RTN4IP1: variants seen among roughly 807,000 people sequenced by gnomAD.
RTN4IP1 encodes the protein NAD(P)H oxidoreductase RTN4IP1, mitochondrial.
In RTN4IP1, 32 loss-of-function variants were observed where a neutral mutation model predicts 46.6. The observed-to-expected ratio is 0.69, with a 90% CI of 0.52 to 0.92. The LOEUF is 0.92. RTN4IP1 is among the 40% of genes least tolerant of loss of function. The pLI, the probability that RTN4IP1 is intolerant of heterozygous loss-of-function variation, is 0.00. For synonymous variants in RTN4IP1, 167 were observed against 161.8 expected, an observed-to-expected ratio of 1.03 and a Z score of -0.24; for missense variants, 424 against 485.8, an observed-to-expected ratio of 0.87 and a Z score of 1.20.
At chr6:106,618,238 A>C (rs538952273) in intron 4 of RTN4IP1, among the ~76,000 whole-genome samples, 1 of 152,332 alleles carries the variant, frequency 6.6e-6, no homozygotes, top group Non-Finnish European at 1.5e-5. Flanking sequence ...AATAGAACAG[A>C]ATCACACAGA....
intron 5 of RTN4IP1, among the ~76,000 whole-genome samples, chr6:106,599,670 A>G (rs1208897751): frequency 6.6e-6 from 1 of 152,056 alleles, no homozygotes; most frequent in East Asian, 1.9e-4. Context: ...AGAATATACC[A>G]CAATTTACTT....
intron 1 of RTN4IP1, among the ~76,000 whole-genome samples, chr6:106,624,766 CT>C (rs1776592415): frequency 6.6e-6 from 1 of 150,644 alleles, no homozygotes; most frequent in South Asian, 2.1e-4. Context: ...TAGAGCTCAT[CT>C]CTACTAAAAA....
rs1443730092 is a variant in RTN4IP1 at position 106,619,229 on chromosome 6, A to C, written c.593T>G (p.Leu198Arg). The C allele has an allele frequency of 6.2e-7, 1 of 1,614,196 alleles. No individual in the cohort carries two copies. The highest frequency in any genetic ancestry group is 1.7e-5 in the Admixed American group (1 of 60,028). ...AWSAINKVGG[L>R]NDKNCTGKRV... is the part of the protein sequence containing the mutation. Reference sequence around the variant, plus strand: ...TTTTCCTGTGCAATTCTTGTCATTCAGGCCACCAACTTTGTTTATAGCAGA... The same window carrying C: ...TTTTCCTGTGCAATTCTTGTCATTCCGGCCACCAACTTTGTTTATAGCAGA... Residue 198 changes from leucine (L) to arginine (R), a missense_variant, in exon 4 of 9, where the codon CTG becomes CGG. By Grantham distance (102) the Leu-to-Arg change is moderately radical (BLOSUM62 -2). Coordinates refer to ENST00000369063, the MANE Select transcript of RTN4IP1 (RefSeq NM_032730.5).
At chr6:106,611,639 C>T (rs1196314404) in intron 4 of RTN4IP1, among the ~76,000 whole-genome samples, 3 of 152,064 alleles carry the variant, frequency 2.0e-5, no homozygotes, top group African/African-American at 4.8e-5. Context: ...TAGCATAATA[C>T]GCCAGGTTTA....
chr6:106,576,987 G>A (rs1264638697), intron 8 of RTN4IP1, among the ~76,000 whole-genome samples: 1 of 152,148 alleles, frequency 6.6e-6, no homozygotes, highest in Non-Finnish European at 1.5e-5. Flanking sequence ...TCTGATGCTG[G>A]CTAAAATAAA....
intron 4 of RTN4IP1, among the ~76,000 whole-genome samples, chr6:106,604,658 G>A (rs1273155835): frequency 6.6e-6 from 1 of 152,098 alleles, no homozygotes; most frequent in African/African-American, 2.4e-5. Flanking sequence ...TAGAGTAGGT[G>A]CCACACACAC....
At chr6:106,612,615 T>C (rs1240078358) in intron 4 of RTN4IP1, among the ~76,000 whole-genome samples, 1 of 50,412 alleles carries the variant, frequency 2.0e-5, no homozygotes, top group East Asian at 4.7e-4. Flanking sequence ...ATTCTTTGCC[T>C]TCTACTTTTA....
At chr6:106,576,593 G>A (rs1007881632) in intron 8 of RTN4IP1, among the ~76,000 whole-genome samples, 4 of 152,196 alleles carry the variant, frequency 2.6e-5, no homozygotes, top group South Asian at 2.1e-4. Flanking sequence ...GTTGCTAAAC[G>A]AGGGCCCAGC....
At chr6:106,620,411 CT>C (rs761248898) in intron 3 of RTN4IP1, among the ~76,000 whole-genome samples, 9 of 152,098 alleles carry the variant, frequency 5.9e-5, no homozygotes, top group Non-Finnish European at 1.3e-4. Context: ...CCTTAGTTGG[CT>C]TTTTATGTTA....
chr6:106,607,173 G>C (rs1373920211), intron 4 of RTN4IP1, among the ~76,000 whole-genome samples: 1 of 152,056 alleles, frequency 6.6e-6, no homozygotes, highest in Non-Finnish European at 1.5e-5. Flanking sequence ...TTCAATAAAT[G>C]GTGCTGGGAA....
intron 1 of RTN4IP1, among the ~76,000 whole-genome samples, chr6:106,626,466 T>C (rs1776647970): frequency 6.6e-6 from 1 of 152,274 alleles, no homozygotes; most frequent in Non-Finnish European, 1.5e-5. Flanking sequence ...GAAACTTCTA[T>C]GTGGTTTGAA....
At chr6:106,576,260 G>A (rs1775223259) in intron 8 of RTN4IP1, among the ~76,000 whole-genome samples, 1 of 152,216 alleles carries the variant, frequency 6.6e-6, no homozygotes, top group South Asian at 2.1e-4. Flanking sequence ...GAGGGGGATG[G>A]CAGATGGGGG....
chr6:106,578,065 T>C (rs1363139593), intron 8 of RTN4IP1, among the ~76,000 whole-genome samples: 1 of 152,152 alleles, frequency 6.6e-6, no homozygotes, highest in Non-Finnish European at 1.5e-5. Context: ...CAAAACACAG[T>C]TACACAGTCC....
intron 7 of RTN4IP1, 108 bp from the exon 8 acceptor site, chr6:106,583,528 C>G (rs144553185): frequency 2.4e-6 from 2 of 827,312 alleles, no homozygotes; most frequent in Non-Finnish European, 4.0e-6. Flanking sequence ...ACTGATTTCT[C>G]ATTTCATGCT....
chr6:106,594,579 C>CAGCACCCAGATAAAGA (rs1372167387), intron 5 of RTN4IP1, among the ~76,000 whole-genome samples: 1 of 152,028 alleles, frequency 6.6e-6, no homozygotes, highest in Non-Finnish European at 1.5e-5. Context: ...CCAGATAAAG[C>CAGCACCCAGATAAAGA]AGCAGCACAC....
intron 8 of RTN4IP1, among the ~76,000 whole-genome samples, chr6:106,579,417 A>T (rs1235629912): frequency 6.6e-6 from 1 of 152,154 alleles, no homozygotes; most frequent in African/African-American, 2.4e-5. Context: ...GAGTCCTACG[A>T]CTTGCAATAA....
In RTN4IP1 at chr6:106,571,406, TTAAGAC is replaced by T. The variant is rs1775054974; in HGVS notation, c.*584_*589del. 1 of 152,458 alleles carries T rather than the reference TTAAGAC, an allele frequency of 6.6e-6. No homozygotes were observed. The highest frequency in any genetic ancestry group is 6.5e-5 in the Admixed American group (1 of 15,296). The allele number at this position is 152,458 out of a possible 1,614,324, so 9.4% of individuals were successfully genotyped here. A position where few individuals can be genotyped will look rare whatever the true frequency, so the allele number is the denominator to read the frequency against. ...ACACTGAAAGTTTTAGTATTGTACA[TTAAGAC>T]GATCAGGCCCAGCAGGGTGGTTCAC... is the stretch of plus-strand genomic sequence containing the variant. On this transcript the variant is annotated 3_prime_UTR_variant, in exon 9 of 9. Transcript: ENST00000369063.
At position 106,621,455 on chromosome 6, in the gene RTN4IP1, AAG is replaced by A. The variant is rs759790265; in HGVS notation, c.463_464del (p.Leu155PhefsTer10). ...TCCCACTGACTACAACAAACTCTGAAAGAGTGCCTTGTTTCCAAGGAGGAACT... is the reference window on the plus strand; with the variant it reads ...TCCCACTGACTACAACAAACTCTGAAAGTGCCTTGTTTCCAAGGAGGAACT... ...AAVPPWKQGT[L>X]SEFVVVSGNE... is the part of the protein sequence containing the mutation. On this transcript the variant is annotated frameshift_variant, in exon 3 of 9. Coordinates refer to ENST00000369063, the MANE Select transcript of RTN4IP1 (RefSeq NM_032730.5). LOFTEE classifies it high-confidence loss of function. 8.7e-6 allele frequency: 14 copies of A among 1,613,938 alleles called. No individual in the cohort carries two copies. The highest frequency in any genetic ancestry group is 1.2e-5 in the Non-Finnish European group (14 of 1,179,948).
intron 4 of RTN4IP1, among the ~76,000 whole-genome samples, chr6:106,604,724 C>T (rs1325790253): frequency 6.6e-6 from 1 of 152,106 alleles, no homozygotes; most frequent in Non-Finnish European, 1.5e-5. Context: ...CATTCATCTC[C>T]CCTCAAAATA....
Sources: gnomAD v4.1 joint callset for allele counts (sites outside exome capture counted in the v4.1 genomes callset) on GRCh38, gnomAD v4.1.1 for gene constraint, MANE v1.5 for transcripts, NCBI Gene and HGNC (gene_info 2026-07-23, HGNC 2026-07-21) for gene names.